Variants in HIVEP2 observed in about 807,000 individuals in gnomAD.
HIVEP2 encodes transcription factor HIVEP2.
In HIVEP2, 14 loss-of-function variants were observed where a neutral mutation model predicts 180.7. The observed-to-expected ratio is 0.08, with a 90% CI of 0.05 to 0.12. The LOEUF (loss-of-function observed/expected upper bound fraction) is 0.12. Among genes scored for constraint, HIVEP2 ranks in the 10% least tolerant of loss-of-function variants. The probability of loss-of-function intolerance (pLI) is 1.00; values close to 1 mark genes in which losing one functional copy is unlikely to be tolerated. For missense variants in HIVEP2, 2,579 were observed against 3,008.5 expected (o/e 0.86, Z 3.34); for synonymous variants, 1,184 against 1,136.4 (o/e 1.04, Z -0.84).
At chr6:142,924,385 C>G (rs1449720277) in intron 1 of HIVEP2, among the ~76,000 whole-genome samples, 1 of 152,172 alleles carries the variant, frequency 6.6e-6, no homozygotes, top group East Asian at 1.9e-4. Context: ...ATTAGGCATT[C>G]AGAGAGGAAA....
Position 142,772,934 on chromosome 6 carries a change from T to C in HIVEP2, c.1805A>G (p.Gln602Arg). 1 of 1,614,180 alleles carries C rather than the reference T, an allele frequency of 6.2e-7. No individual in the cohort carries two copies. The highest frequency in any genetic ancestry group is 8.5e-7 in the Non-Finnish European group (1 of 1,180,020). The change falls in exon 5 of 10, where the codon CAG becomes CGG. Residue 602 changes from glutamine to arginine, a missense_variant. By Grantham distance (43) the Gln-to-Arg change is conservative. Around this residue, in one of 11 missense-constraint regions of HIVEP2, gnomAD observed 524 missense variants for 563.6 expected, o/e 0.93. Transcript: ENST00000367603. This position sits in a 1 kb window ranked among gnomAD's most constrained non-coding sequence, Gnocchi z 4.9. Reference sequence around the variant, plus strand: ...GTGCTCGACTTCCACGTGGCCCTCCTGTACCGAAGGCAGCTCAAATGCCGC... The same window carrying C: ...GTGCTCGACTTCCACGTGGCCCTCCCGTACCGAAGGCAGCTCAAATGCCGC... The part of the protein sequence containing the change: ...RQAAFELPSV[Q>R]EGHVEVEHHG...
chr6:142,925,119 T>C lies in HIVEP2; in HGVS notation c.-641+19980A>G, dbSNP rs543242791. ...GTGGCCTCAAAGGATGAAACTAACA[T>C]GCACTTTAGAAGTTCTCCTTGTTCT... On this transcript the variant is annotated intron_variant, in intron 1 of 9. Transcript: ENST00000367603. Among the ~76,000 whole-genome samples, 798 of 152,320 alleles carry C rather than the reference T, an allele frequency of 5.2e-3. 5 individuals carry two copies. The highest frequency in any genetic ancestry group is 9.2e-3 in the Non-Finnish European group (625 of 68,022).
chr6:142,891,785 C>T (rs1425159303), intron 1 of HIVEP2, among the ~76,000 whole-genome samples: 1 of 152,194 alleles, frequency 6.6e-6, no homozygotes, highest in Non-Finnish European at 1.5e-5. Flanking sequence ...GAGACACGGC[C>T]CCCGATGGTC....
chr6:142,825,945 G>T (rs1774888186), intron 2 of HIVEP2, among the ~76,000 whole-genome samples: 1 of 151,806 alleles, frequency 6.6e-6, no homozygotes, highest in African/African-American at 2.4e-5. Context: ...AATAATAAAT[G>T]ATTATAATTT....
chr6:142,761,438 T>G (rs374157131), intron 8 of HIVEP2, 26 bp downstream of exon 8: 107 of 1,159,276 alleles, frequency 9.2e-5, no homozygotes, highest in East Asian at 5.8e-4. Flanking sequence ...TGAAGAGGTC[T>G]GTCAACTCAT....
intron 2 of HIVEP2, among the ~76,000 whole-genome samples, chr6:142,802,677 A>T (rs1334430887): frequency 2.0e-5 from 3 of 152,180 alleles, no homozygotes; most frequent in Non-Finnish European, 4.4e-5. Flanking sequence ...AAAGAAAAGC[A>T]TCATAAACAA....
At position 142,772,041 on chromosome 6, in the gene HIVEP2, G is replaced by A. The variant is rs1268506616; in HGVS notation, c.2698C>T (p.Pro900Ser). ...CTCTGGGCTTCCTTCTCCTTCTCAG[G>A]TTTATCAGGCTCCTCGGTCACTCGA... Reference protein sequence around the residue: ...EIRVTEEPDKPEKEKEAQSKE... With the variant: ...EIRVTEEPDKSEKEKEAQSKE... Residue 900 changes from proline (P) to serine (S), a missense_variant, in exon 5 of 10, where the codon CCT (proline) becomes TCT (serine). Coordinates refer to ENST00000367603, the MANE Select transcript of HIVEP2 (RefSeq NM_006734.4). This position sits in a 1 kb window ranked among gnomAD's most constrained non-coding sequence, Gnocchi z 4.9. 4 of 1,614,046 alleles carry A rather than the reference G, an allele frequency of 2.5e-6. No homozygotes were observed. Among genetic ancestry groups the A allele is most frequent in the African/African-American group, 2.7e-5 (2 of 74,902 alleles).
At chr6:142,793,277 T>A (rs1292828468) in intron 2 of HIVEP2, among the ~76,000 whole-genome samples, 1 of 152,194 alleles carries the variant, frequency 6.6e-6, no homozygotes, top group East Asian at 1.9e-4. Context: ...TAATTCTACA[T>A]AACTACCTAG....
chr6:142,770,328 C>G lies in HIVEP2; in HGVS notation c.4411G>C (p.Glu1471Gln), dbSNP rs1433864566. 8 of 1,614,182 alleles carry G rather than the reference C, an allele frequency of 5.0e-6. No individual in the cohort carries two copies. The highest frequency in any genetic ancestry group is 6.8e-6 in the Non-Finnish European group (8 of 1,180,042). The change falls in exon 5 of 10, where the codon GAG becomes CAG. Residue 1471 changes from glutamate to glutamine, a missense_variant. Glu to Gln is a conservative substitution (Grantham distance 29). This residue lies in a region of HIVEP2 where 29 missense variants were observed against 64.7 expected (regional missense o/e 0.45). Coordinates refer to ENST00000367603, the MANE Select transcript of HIVEP2 (RefSeq NM_006734.4). The surrounding 1 kb of genome is among the most constrained non-coding windows in gnomAD (Gnocchi z 4.7). ...KEEKMYGQIV[E>Q]ELSAVELTNS... ...GTCAGCTCCACAGCACTAAGCTCCTCCACAATCTGTCCGTACATCTTTTCT... is the reference window on the plus strand; with the variant it reads ...GTCAGCTCCACAGCACTAAGCTCCTGCACAATCTGTCCGTACATCTTTTCT...
intron 2 of HIVEP2, among the ~76,000 whole-genome samples, chr6:142,818,492 C>T (rs1017635188): frequency 6.6e-6 from 1 of 151,598 alleles, no homozygotes; most frequent in Non-Finnish European, 1.5e-5. Context: ...GCCTGGGCAA[C>T]ATTATGAAGC....
chr6:142,792,271 A>G (rs192400142), intron 2 of HIVEP2, among the ~76,000 whole-genome samples: 1 of 152,348 alleles, frequency 6.6e-6, no homozygotes, highest in East Asian at 1.9e-4. Context: ...GAAAAAGAAT[A>G]AAGATTAAGA....
intron 1 of HIVEP2, among the ~76,000 whole-genome samples, chr6:142,885,328 C>T (rs1454341557): frequency 6.6e-6 from 1 of 151,886 alleles, no homozygotes; most frequent in African/African-American, 2.4e-5. Flanking sequence ...TCCCCTCCTT[C>T]TCCCTCCCCT....
intron 1 of HIVEP2, among the ~76,000 whole-genome samples, chr6:142,902,701 G>A (rs1582953858): frequency 6.6e-6 from 1 of 152,184 alleles, no homozygotes; most frequent in South Asian, 2.1e-4. Context: ...AATGGTGCTT[G>A]TATTGATTGT....
In HIVEP2 at chr6:142,753,468, T is replaced by C. The variant is rs1351925244; in HGVS notation, c.6980A>G (p.Gln2327Arg). Residue 2327 changes from glutamine to arginine, a missense_variant, in exon 10 of 10, where the codon CAG becomes CGG. Transcript: ENST00000367603. ...ATEREQEENIQTCTKAIASLR... is the reference protein window; with the variant it reads ...ATEREQEENIRTCTKAIASLR... The stretch of plus-strand genomic sequence containing the variant: ...AGAGGCAATGGCTTTTGTACAAGTC[T>C]GTATATTTTCCTCCTGTTCCCGCTC... 6.2e-7 allele frequency: 1 copy of C among 1,613,930 alleles called. No homozygotes were observed. The highest frequency in any genetic ancestry group is 8.5e-7 in the Non-Finnish European group (1 of 1,180,050).
chr6:142,909,854 G>A (rs777496713), intron 1 of HIVEP2, among the ~76,000 whole-genome samples: 4 of 152,142 alleles, frequency 2.6e-5, no homozygotes, highest in African/African-American at 7.2e-5. Flanking sequence ...CACAGTAACA[G>A]CTTCTGAAGC....
intron 9 of HIVEP2, among the ~76,000 whole-genome samples, chr6:142,757,521 T>C (rs937896908): frequency 6.6e-6 from 1 of 152,002 alleles, no homozygotes; most frequent in African/African-American, 2.4e-5. Context: ...TAGCTGGGTG[T>C]GGTGGCACGT....
chr6:142,876,171 C>T (rs963272829), intron 1 of HIVEP2, among the ~76,000 whole-genome samples: 15 of 151,984 alleles, frequency 9.9e-5, no homozygotes, highest in Non-Finnish European at 1.6e-4. Flanking sequence ...AAGATGACGA[C>T]GAAGAATGAT....
intron 9 of HIVEP2, among the ~76,000 whole-genome samples, chr6:142,757,297 C>T (rs1775101651): frequency 3.3e-5 from 5 of 152,156 alleles, no homozygotes; most frequent in Admixed American, 2.6e-4. Flanking sequence ...TATACATCCT[C>T]TAAAGAGAAT....
intron 3 of HIVEP2, among the ~76,000 whole-genome samples, chr6:142,780,247 T>C (rs1220373497): frequency 6.6e-6 from 1 of 152,156 alleles, no homozygotes; most frequent in African/African-American, 2.4e-5. Flanking sequence ...ACGCCATGCT[T>C]TCTCTCCTGG....
Sources: gnomAD v4.1 joint callset for allele counts (sites outside exome capture counted in the v4.1 genomes callset) on GRCh38, gnomAD v4.1.1 for gene constraint, gnomAD v4.1.1 regional missense constraint, Gnocchi (gnomAD v3.1) non-coding constraint, MANE v1.5 for transcripts, NCBI Gene and HGNC (gene_info 2026-07-23, HGNC 2026-07-21) for gene names.